KIF18A: variants seen among roughly 807,000 people sequenced by gnomAD.
The protein encoded by KIF18A is kinesin-like protein KIF18A.
Under a neutral mutation model 103.3 loss-of-function variants are expected in KIF18A, and 67 were observed. The ratio of observed to expected loss-of-function variants is 0.65; its 90% CI spans 0.53 to 0.79. The LOEUF is 0.79. KIF18A is among the 30% of genes least tolerant of loss of function. The pLI is 0.00. For missense variants in KIF18A, 1,032 were observed against 1,062.5 expected (o/e 0.97, Z 0.40); for synonymous variants, 367 against 355.5 (o/e 1.03, Z -0.36).
At chr11:28,065,576 G>A (rs756484670) in intron 11 of KIF18A, among the ~76,000 whole-genome samples, 7 of 151,980 alleles carry the variant, frequency 4.6e-5, no homozygotes, top group African/African-American at 7.2e-5. Context: ...AGACAATATT[G>A]ATTAACTTCA....
chr11:28,034,498 C>T (rs1850455631), intron 15 of KIF18A, among the ~76,000 whole-genome samples: 1 of 151,694 alleles, frequency 6.6e-6, no homozygotes, highest in South Asian at 2.1e-4. Flanking sequence ...GTCTTTTCTT[C>T]ATGGTGGTCC....
chr11:28,091,149 A>ATACATAC (rs1554974427), intron 4 of KIF18A, among the ~76,000 whole-genome samples: 1,749 of 131,952 alleles, frequency 0.013, 13 homozygotes, highest in Admixed American at 0.017. Context: ...TAAATAAATA[A>ATACATAC]ATACATACAT....
intron 13 of KIF18A, among the ~76,000 whole-genome samples, chr11:28,042,564 G>A (rs937098742): frequency 3.9e-5 from 6 of 151,918 alleles, no homozygotes; most frequent in African/African-American, 1.4e-4. Context: ...TGTAATGAAT[G>A]AGTTTTGATA....
intron 13 of KIF18A, among the ~76,000 whole-genome samples, chr11:28,047,875 A>T (rs184032119): frequency 1.3e-5 from 2 of 152,286 alleles, no homozygotes; most frequent in Admixed American, 1.3e-4. Flanking sequence ...CATAACTTAA[A>T]ATTGGGTTAC....
Position 28,097,927 on chromosome 11 carries a change from G to A in KIF18A, c.21C>T (p.Asp7=). The A allele has an allele frequency of 1.3e-6, 2 of 1,580,826 alleles. No homozygotes were observed. The highest frequency in any genetic ancestry group is 8.6e-7 in the Non-Finnish European group (1 of 1,165,708). ...CTACTACTTTCATATGGTGGCACAG[G>A]TCTTCCTCAGTGACAGACATTGTTG... The part of the protein sequence containing the change: MSVTEE[D]LCHHMKVVVR... The change falls in exon 2 of 17, where the codon GAC becomes GAT. Residue 7 remains aspartate (D), a synonymous_variant. Transcript: ENST00000263181.
chr11:28,077,720 A>G (rs899360784), intron 9 of KIF18A, among the ~76,000 whole-genome samples: 1 of 152,168 alleles, frequency 6.6e-6, no homozygotes, highest in Non-Finnish European at 1.5e-5. Context: ...GTGAAAACAG[A>G]CCATACGGTT....
intron 13 of KIF18A, among the ~76,000 whole-genome samples, chr11:28,043,545 G>A (rs1474138292): frequency 4.0e-5 from 6 of 151,756 alleles, no homozygotes; most frequent in Non-Finnish European, 8.8e-5. Flanking sequence ...AAATCACTTA[G>A]GCAATGACTA....
intron 9 of KIF18A, among the ~76,000 whole-genome samples, chr11:28,078,157 C>A (rs894101944): frequency 2.0e-5 from 3 of 152,096 alleles, no homozygotes; most frequent in African/African-American, 7.2e-5. Context: ...TAGATATACT[C>A]ATAAGGATCA....
intron 10 of KIF18A, 74 bp from the exon 11 acceptor site, chr11:28,069,497 T>G (rs753180329): frequency 1.3e-4 from 174 of 1,349,146 alleles, no homozygotes; most frequent in Non-Finnish European, 1.7e-4. Flanking sequence ...TAAACTAGTA[T>G]ATTTTCTTAT....
chr11:28,083,045 T>C (rs992993498), intron 8 of KIF18A, 77 bp from the exon 9 acceptor site: 38 of 1,451,724 alleles, frequency 2.6e-5, no homozygotes, highest in Admixed American at 5.0e-5. Context: ...CTGTAAAAAA[T>C]AACTGAATTA....
intron 12 of KIF18A, among the ~76,000 whole-genome samples, chr11:28,059,912 C>T (rs903502793): frequency 2.0e-5 from 3 of 151,736 alleles, no homozygotes; most frequent in African/African-American, 7.3e-5. Flanking sequence ...AAACACATAA[C>T]AAAATAACAA....
intron 10 of KIF18A, among the ~76,000 whole-genome samples, chr11:28,074,804 G>C (rs1851068508): frequency 6.6e-6 from 1 of 152,034 alleles, no homozygotes; most frequent in African/African-American, 2.4e-5. Flanking sequence ...TGAGAGGAAT[G>C]GGTTGTTACT....
In KIF18A at chr11:28,036,297, T is replaced by C. The variant is rs764779400; in HGVS notation, c.2316A>G (p.Ile772Met). The C allele has an allele frequency of 6.2e-7, 1 of 1,610,586 alleles. No homozygotes were observed. The highest frequency in any genetic ancestry group is 8.5e-7 in the Non-Finnish European group (1 of 1,177,846). Residue 772 changes from isoleucine to methionine, a missense_variant, in exon 14 of 17, where the codon ATA (isoleucine) becomes ATG (methionine). By Grantham distance (10) the Ile-to-Met change is conservative (BLOSUM62 1). Coordinates refer to ENST00000263181, the MANE Select transcript of KIF18A (RefSeq NM_031217.4). ...GQEDLDSTFTICEDIKSSKCK... is the reference protein window; with the variant it reads ...GQEDLDSTFTMCEDIKSSKCK... ...ACTTCGAGCTCTTGATGTCTTCACATATAGTAAATGTAGAGTCCAAGTCCT... is the reference window on the plus strand; with the variant it reads ...ACTTCGAGCTCTTGATGTCTTCACACATAGTAAATGTAGAGTCCAAGTCCT...
Position 28,069,483 on chromosome 11 carries a change from T to A in KIF18A, c.1426-60A>T, listed in dbSNP as rs1024152042. On this transcript the variant is annotated intron_variant, in intron 10 of 16. Transcript: ENST00000263181. ...TTTATGATATTTGATGTACATGATA[T>A]TAGTAAACTAGTATATTTTCTTATG... is the stretch of plus-strand genomic sequence containing the variant. 6 of 1,444,040 alleles carry A rather than the reference T, an allele frequency of 4.2e-6. No individual in the cohort carries two copies. The African/African-American group carries it at 7.1e-5, about 17-fold the overall frequency. 89.5% of individuals were successfully genotyped at this position (1,444,040 alleles called of 1,614,324 possible).
intron 11 of KIF18A, among the ~76,000 whole-genome samples, chr11:28,068,150 T>C (rs1426187809): frequency 1.3e-5 from 2 of 152,086 alleles, no homozygotes; most frequent in African/African-American, 4.8e-5. Context: ...AAGCCATCAT[T>C]CTCAGCAAAC....
chr11:28,038,710 T>C (rs1367510497), intron 13 of KIF18A, among the ~76,000 whole-genome samples: 1 of 151,658 alleles, frequency 6.6e-6, no homozygotes, highest in African/African-American at 2.4e-5. Flanking sequence ...AATTACCCTC[T>C]AGGAAATAAA....
chr11:28,052,979 T>C (rs1486818650), intron 13 of KIF18A, among the ~76,000 whole-genome samples: 1 of 152,160 alleles, frequency 6.6e-6, no homozygotes, highest in African/African-American at 2.4e-5. Flanking sequence ...GGAAAAAAGA[T>C]AGTATTTATG....
intron 13 of KIF18A, among the ~76,000 whole-genome samples, chr11:28,037,402 C>T (rs998723355): frequency 1.3e-5 from 2 of 151,392 alleles, no homozygotes; most frequent in Non-Finnish European, 3.0e-5. Flanking sequence ...AAAAAATATA[C>T]AATATAACAA....
intron 13 of KIF18A, among the ~76,000 whole-genome samples, chr11:28,058,662 C>CAAAAAAAAAAAAAAAA (rs58273868): frequency 1.6e-5 from 1 of 64,450 alleles, no homozygotes; most frequent in African/African-American, 5.5e-5. Flanking sequence ...ACCCTGTCAC[C>CAAAAAAAAAAAAAAAA]AAAAAAAAAA....
Sources: allele counts gnomAD v4.1 joint callset (sites outside exome capture counted in the v4.1 genomes callset), GRCh38; gene constraint gnomAD v4.1.1; transcripts MANE v1.5; gene names NCBI Gene and HGNC (gene_info 2026-07-23, HGNC 2026-07-21).